Variants in CWH43 observed in about 807,000 individuals in gnomAD.
The protein encoded by CWH43 is PGAP2-interacting protein.
CWH43 carries 91 observed loss-of-function variants against 85.7 expected under a neutral mutation model. That is an observed-to-expected ratio of 1.06 (90% CI 0.90 to 1.26). The LOEUF is 1.26. CWH43 is among the 50% of genes most tolerant of loss of function. CWH43 has a pLI of 0.00. For missense variants in CWH43, 869 were observed against 839.2 expected, an observed-to-expected ratio of 1.04 and a Z score of -0.44; for synonymous variants, 323 against 293.6, an observed-to-expected ratio of 1.10 and a Z score of -1.02.
chr4:48,998,178 C>T (rs1385921551), intron 5 of CWH43, among the ~76,000 whole-genome samples: 1 of 152,214 alleles, frequency 6.6e-6, no homozygotes, highest in Non-Finnish European at 1.5e-5. Context: ...TAAAATGTTA[C>T]TGACCAACAT....
At chr4:49,044,621 G>T (rs1437462786) in intron 13 of CWH43, among the ~76,000 whole-genome samples, 165 bp from the exon 14 acceptor site, 1 of 152,182 alleles carries the variant, frequency 6.6e-6, no homozygotes, top group East Asian at 1.9e-4. Context: ...ATAAATATAT[G>T]TAGAATGAGC....
intron 6 of CWH43, among the ~76,000 whole-genome samples, chr4:49,000,344 G>A (rs1267718952): frequency 6.6e-6 from 1 of 152,208 alleles, no homozygotes; most frequent in Non-Finnish European, 1.5e-5. Context: ...CTGGAGCTAT[G>A]TGAACATACT....
chr4:49,014,469 A>G (rs1783472136), intron 8 of CWH43, among the ~76,000 whole-genome samples: 1 of 151,878 alleles, frequency 6.6e-6, no homozygotes, highest in South Asian at 2.1e-4. Flanking sequence ...AAAAAAAAAA[A>G]AAAAAAGAGA....
At chr4:49,010,994 G>C (rs571799555) in intron 8 of CWH43, among the ~76,000 whole-genome samples, 1 of 152,042 alleles carries the variant, frequency 6.6e-6, no homozygotes, top group Non-Finnish European at 1.5e-5. Context: ...TATTAGTTCC[G>C]CTTGGTGCAG....
chr4:49,050,962 A>G (rs1467454238), intron 15 of CWH43, 113 bp downstream of exon 15: 3 of 713,748 alleles, frequency 4.2e-6, no homozygotes, highest in Non-Finnish European at 6.4e-6. Flanking sequence ...GGTTTATTCC[A>G]GGTAAGGGAG....
chr4:49,059,030 G>T (rs1406679360), intron 15 of CWH43, among the ~76,000 whole-genome samples: 1 of 152,178 alleles, frequency 6.6e-6, no homozygotes, highest in South Asian at 2.1e-4. Context: ...GGAAAGTTCA[G>T]CTGCTTTTTT....
At chr4:49,050,985 A>G in intron 15 of CWH43, 136 bp downstream of exon 15, 1 of 601,164 alleles carries the variant, frequency 1.7e-6, no homozygotes, top group East Asian at 3.1e-5. Flanking sequence ...TGTGACAAAG[A>G]TGATAAAATC....
rs1783065232 is a variant in CWH43 at position 49,003,720 on chromosome 4, C to G, written c.803-15C>G. The G allele has an allele frequency of 6.2e-7, 1 of 1,612,670 alleles. No individual in the cohort carries two copies. The highest frequency in any genetic ancestry group is 1.3e-5 in the African/African-American group (1 of 74,832). On this transcript the variant is annotated splice_polypyrimidine_tract_variant and intron_variant, in intron 6 of 15. Transcript: ENST00000226432. ...GACTGCTTTCCTGTCTGATTCTTTT[C>G]TCTCTCACAAACAGGAACAGCTTCA... is the stretch of plus-strand genomic sequence containing the variant.
intron 13 of CWH43, among the ~76,000 whole-genome samples, chr4:49,038,733 T>C (rs1784341774): frequency 6.6e-6 from 1 of 152,172 alleles, no homozygotes; most frequent in African/African-American, 2.4e-5. Flanking sequence ...GTTGTAGCCA[T>C]GTTTAGAAAA....
chr4:49,026,258 AACTT>A (rs1248120797), intron 9 of CWH43, among the ~76,000 whole-genome samples: 1 of 152,166 alleles, frequency 6.6e-6, no homozygotes, highest in African/African-American at 2.4e-5. Context: ...CAGGGCTAGG[AACTT>A]GCCCCAGGCT....
At chr4:49,009,108 C>T (rs1783264230) in intron 8 of CWH43, among the ~76,000 whole-genome samples, 1 of 152,166 alleles carries the variant, frequency 6.6e-6, no homozygotes, top group Non-Finnish European at 1.5e-5. Flanking sequence ...TATCCATGAG[C>T]ATGGAATATT....
intron 15 of CWH43, 100 bp from the exon 16 acceptor site, chr4:49,061,712 T>C: frequency 9.8e-7 from 1 of 1,019,112 alleles, no homozygotes; most frequent in Non-Finnish European, 1.3e-6. Context: ...TATTTATTCA[T>C]TTGCTATTTT....
At chr4:48,986,739 C>A in intron 1 of CWH43, 1 of 1,310,094 alleles carries the variant, frequency 7.6e-7, no homozygotes, top group South Asian at 2.1e-5. Context: ...GGATTGTGCC[C>A]AAGGAGCGCG....
At chr4:49,019,411 G>T (rs1450020580) in intron 9 of CWH43, among the ~76,000 whole-genome samples, 1 of 152,112 alleles carries the variant, frequency 6.6e-6, no homozygotes, top group Non-Finnish European at 1.5e-5. Flanking sequence ...TGTGTTTGAG[G>T]GACATCAGGG....
At position 49,028,611 on chromosome 4, in the gene CWH43, A is replaced by T. The variant is rs143470860; in HGVS notation, c.1267-18A>T. 6.3e-7 allele frequency: 1 copy of T among 1,591,560 alleles called. No individual in the cohort carries two copies. The highest frequency in any genetic ancestry group is 2.2e-5 in the East Asian group (1 of 44,696). On this transcript the variant is annotated intron_variant, in intron 9 of 15. Coordinates refer to ENST00000226432, the MANE Select transcript of CWH43 (RefSeq NM_025087.3). ...TTGTTCACAGTCATCCTAAACTACC[A>T]TTAAAACAATTCCTCAGGCACCAAC...
Position 49,004,685 on chromosome 4 carries a change from T to G in CWH43, c.1060+693T>G, listed in dbSNP as rs546238816. Among the ~76,000 whole-genome samples the G allele has an allele frequency of 2.0e-5, 3 of 152,330 alleles. No individual in the cohort carries two copies. The East Asian group carries it at 5.8e-4, about 29-fold the overall frequency. On this transcript the variant is annotated intron_variant, in intron 7 of 15. Transcript: ENST00000226432. ...GATTACAGGTGTGAGCCACCACACC[T>G]AGACTCTATTATTTTTATTTACCAT...
At chr4:49,000,204 T>A (rs936134) in intron 6 of CWH43, among the ~76,000 whole-genome samples, 88,117 of 152,030 alleles carry the variant, frequency 0.58, 28,986 homozygotes, top group Middle Eastern at 0.75. Flanking sequence ...GTATCAGTAA[T>A]AGAAGATTTA....
chr4:49,015,112 T>C (rs1407651969), intron 8 of CWH43, among the ~76,000 whole-genome samples: 1 of 152,174 alleles, frequency 6.6e-6, no homozygotes, highest in African/African-American at 2.4e-5. Context: ...AGAATGTCAA[T>C]TTTTGTCTTT....
At chr4:48,999,512 A>G (rs1244559558) in intron 6 of CWH43, among the ~76,000 whole-genome samples, 2 of 152,208 alleles carry the variant, frequency 1.3e-5, no homozygotes, top group Non-Finnish European at 2.9e-5. Context: ...CAAATGTTAG[A>G]CTAATTTACA....
Sources: allele counts gnomAD v4.1 joint callset (sites outside exome capture counted in the v4.1 genomes callset), GRCh38; gene constraint gnomAD v4.1.1; transcripts MANE v1.5; gene names NCBI Gene and HGNC (gene_info 2026-07-23, HGNC 2026-07-21).